The following IL23R variants were observed in gnomAD, a reference collection of about 807,000 sequenced individuals.
The protein encoded by IL23R is interleukin-23 receptor.
IL23R carries 34 observed loss-of-function variants against 56.9 expected under a neutral mutation model. The observed-to-expected ratio is 0.60, with a 90% CI of 0.45 to 0.80. IL23R has a LOEUF of 0.80. IL23R is among the 30% of genes least tolerant of loss of function. IL23R has a pLI of 0.00. For missense variants in IL23R, 635 were observed against 730.0 expected, an observed-to-expected ratio of 0.87 and a Z score of 1.50; for synonymous variants, 230 against 249.2, an observed-to-expected ratio of 0.92 and a Z score of 0.73.
intron 3 of IL23R, among the ~76,000 whole-genome samples, 192 bp from the exon 4 acceptor site, chr1:67,182,644 C>T (rs1242405423): frequency 4.6e-5 from 7 of 152,090 alleles, no homozygotes; most frequent in East Asian, 1.9e-4. Flanking sequence ...CCCACTGTCC[C>T]GCACCCACTG....
At chr1:67,182,358 G>A (rs571840262) in intron 3 of IL23R, among the ~76,000 whole-genome samples, 66 of 152,266 alleles carry the variant, frequency 4.3e-4, no homozygotes, top group Non-Finnish European at 9.0e-4. Context: ...TCCCAGCCTC[G>A]CTGCCACCTT....
chr1:67,151,685 C>T (rs1646729731), intron 1 of IL23R, among the ~76,000 whole-genome samples: 1 of 152,160 alleles, frequency 6.6e-6, no homozygotes, highest in South Asian at 2.1e-4. Flanking sequence ...CCAGCTTTTC[C>T]AGCATCATTT....
intron 1 of IL23R, among the ~76,000 whole-genome samples, chr1:67,146,858 C>T (rs1295716263): frequency 6.6e-6 from 1 of 152,210 alleles, no homozygotes; most frequent in Non-Finnish European, 1.5e-5. Context: ...TACCCTTCTT[C>T]TTGGAGAAAT....
At chr1:67,239,471 C>G (rs1039053724) in intron 8 of IL23R, among the ~76,000 whole-genome samples, 1 of 152,232 alleles carries the variant, frequency 6.6e-6, no homozygotes, top group African/African-American at 2.4e-5. Context: ...CACTTTGTTG[C>G]CCAGGTTGGT....
Position 67,206,905 on chromosome 1 carries a change from T to TTTTTGTG in IL23R, c.653-5_653-4insTTTTGTG. 6.5e-7 allele frequency: 1 copy of TTTTTGTG among 1,528,992 alleles called. No individual in the cohort carries two copies. Among genetic ancestry groups the TTTTTGTG allele is most frequent in the Non-Finnish European group, 8.7e-7 (1 of 1,143,202 alleles). 94.7% of individuals were successfully genotyped at this position (1,528,992 alleles called of 1,614,324 possible). On this transcript the variant is annotated splice_region_variant and splice_polypyrimidine_tract_variant and intron_variant, in intron 5 of 10. Coordinates refer to ENST00000347310, the MANE Select transcript of IL23R (RefSeq NM_144701.3). ...AGGTCTTTTTTTTTTTTTTTTTTTTTCTAGTGATACCTTCTGCAGCCGTCA... is the reference window on the plus strand; with the variant it reads ...AGGTCTTTTTTTTTTTTTTTTTTTTTTTTTGTGCTAGTGATACCTTCTGCAGCCGTCA...
chr1:67,197,196 C>G (rs979116096), intron 4 of IL23R, among the ~76,000 whole-genome samples: 5 of 152,052 alleles, frequency 3.3e-5, no homozygotes, highest in African/African-American at 1.2e-4. Flanking sequence ...GCCCTCTAAC[C>G]CAGAAGACAG....
downstream of IL23R, among the ~76,000 whole-genome samples, chr1:67,263,047 T>C (rs2100405597): frequency 6.6e-6 from 1 of 151,994 alleles, no homozygotes; most frequent in South Asian, 2.1e-4. Context: ...TTAGGGATGT[T>C]TGCTTGGTAC....
intron 5 of IL23R, among the ~76,000 whole-genome samples, chr1:67,206,378 A>G (rs561379158): frequency 6.6e-6 from 1 of 150,972 alleles, no homozygotes; most frequent in East Asian, 2.0e-4. Context: ...TTGCACCATC[A>G]TGGCTCACTG....
At chr1:67,151,615 G>C (rs1646728970) in intron 1 of IL23R, among the ~76,000 whole-genome samples, 1 of 152,084 alleles carries the variant, frequency 6.6e-6, no homozygotes, top group Non-Finnish European at 1.5e-5. Flanking sequence ...TCCATCTTGA[G>C]TTAATTTTCA....
chr1:67,205,530 T>C (rs113854403), intron 5 of IL23R, among the ~76,000 whole-genome samples: 69 of 152,348 alleles, frequency 4.5e-4, no homozygotes, highest in Admixed American at 2.2e-3. Flanking sequence ...AAAGTGTTAA[T>C]GATTCTATTC....
intron 3 of IL23R, among the ~76,000 whole-genome samples, chr1:67,179,585 A>AT (rs59721415): frequency 1.3e-5 from 2 of 151,736 alleles, no homozygotes; most frequent in Non-Finnish European, 2.9e-5. Flanking sequence ...GGATTCATTG[A>AT]TTTTTTGAAG....
At chr1:67,256,923 G>C (rs1040567291) in intron 10 of IL23R, among the ~76,000 whole-genome samples, 1 of 152,166 alleles carries the variant, frequency 6.6e-6, no homozygotes, top group African/African-American at 2.4e-5. Flanking sequence ...ACAGAATAGA[G>C]TCTGAGTTCT....
chr1:67,236,648 G>C (rs1190429626), intron 7 of IL23R, 65 bp from the exon 8 acceptor site: 2 of 999,398 alleles, frequency 2.0e-6, no homozygotes, highest in South Asian at 1.3e-5. Context: ...AAGAAACTCC[G>C]TTGGGAAATT....
intron 7 of IL23R, among the ~76,000 whole-genome samples, chr1:67,227,979 T>C (rs1170862081): frequency 1.1e-5 from 1 of 88,898 alleles, no homozygotes. Context: ...TCTTTCTTTC[T>C]TTCTTTCTTT....
chr1:67,261,172 G>A (rs1470332080), downstream of IL23R, among the ~76,000 whole-genome samples: 1 of 150,812 alleles, frequency 6.6e-6, no homozygotes, highest in African/African-American at 2.4e-5. Flanking sequence ...AGTTTGCCCT[G>A]GTTTCTGTCC....
At chr1:67,250,492 A>G (rs1352415781) in intron 9 of IL23R, among the ~76,000 whole-genome samples, 3 of 152,198 alleles carry the variant, frequency 2.0e-5, no homozygotes, top group Non-Finnish European at 2.9e-5. Context: ...AGATAGGTAA[A>G]TTGAACAATT....
chr1:67,140,587 G>A (rs1429217790), intron 1 of IL23R, among the ~76,000 whole-genome samples: 1 of 152,112 alleles, frequency 6.6e-6, no homozygotes, highest in Non-Finnish European at 1.5e-5. Flanking sequence ...TGGTTGAACT[G>A]TACATTGTTA....
intron 1 of IL23R, among the ~76,000 whole-genome samples, chr1:67,147,805 T>C (rs1257317556): frequency 6.6e-6 from 1 of 152,240 alleles, no homozygotes; most frequent in Non-Finnish European, 1.5e-5. Context: ...TTTACTGTGT[T>C]TGTATCCAAT....
chr1:67,183,489 T>C (rs1647192565), intron 4 of IL23R, among the ~76,000 whole-genome samples: 1 of 152,140 alleles, frequency 6.6e-6, no homozygotes, highest in Non-Finnish European at 1.5e-5. Flanking sequence ...GAGCCGAGAC[T>C]GTGCCACTGC....
Sources: gnomAD v4.1 joint callset for allele counts (sites outside exome capture counted in the v4.1 genomes callset) on GRCh38, gnomAD v4.1.1 for gene constraint, MANE v1.5 for transcripts, NCBI Gene and HGNC (gene_info 2026-07-23, HGNC 2026-07-21) for gene names.